Variants in DCAF6 observed in about 807,000 individuals in gnomAD.
DCAF6 encodes the protein DDB1 and CUL4 associated factor 6.
DCAF6 carries 54 observed loss-of-function variants against 125.1 expected under a neutral mutation model. The observed-to-expected ratio is 0.43, with a 90% CI of 0.35 to 0.54. The LOEUF (loss-of-function observed/expected upper bound fraction) is 0.54, where lower values mean the gene tolerates loss of function less well. Ranked by LOEUF, DCAF6 falls within the 20% of genes least tolerant of loss-of-function variation. The probability of loss-of-function intolerance (pLI) is 0.01; values close to 1 mark genes in which losing one functional copy is unlikely to be tolerated. For missense variants in DCAF6, 934 were observed against 1,161.7 expected (o/e 0.80, Z 2.85); for synonymous variants, 371 against 390.4 (o/e 0.95, Z 0.58).
intron 12 of DCAF6, among the ~76,000 whole-genome samples, chr1:168,024,448 G>A (rs555913018): frequency 1.3e-5 from 2 of 152,202 alleles, no homozygotes; most frequent in South Asian, 4.1e-4. Flanking sequence ...TATTCTTAGA[G>A]AAATATTCAG....
intron 7 of DCAF6, among the ~76,000 whole-genome samples, chr1:167,994,461 A>G (rs972341095): frequency 2.0e-5 from 3 of 152,136 alleles, no homozygotes; most frequent in Admixed American, 6.6e-5. Context: ...TTCTGTCCCA[A>G]TTGTGCCTCT....
intron 18 of DCAF6, chr1:168,063,983 A>G (rs1423727796): frequency 2.8e-6 from 1 of 356,292 alleles, no homozygotes; most frequent in African/African-American, 2.2e-5. Context: ...GATTAAAAAA[A>G]TTTTTAGTTT....
At chr1:167,981,971 C>T (rs762981218) in intron 4 of DCAF6, among the ~76,000 whole-genome samples, 11 of 152,186 alleles carry the variant, frequency 7.2e-5, no homozygotes, top group African/African-American at 1.2e-4. Flanking sequence ...AGTGGCTGAA[C>T]GAATTTACAT....
At chr1:168,048,016 AC>A (rs1215054391) in intron 16 of DCAF6, among the ~76,000 whole-genome samples, 1 of 152,132 alleles carries the variant, frequency 6.6e-6, no homozygotes, top group African/African-American at 2.4e-5. Flanking sequence ...AATTTAGCTG[AC>A]TTTTATTCTA....
At chr1:168,008,117 C>T (rs1297960200) in intron 10 of DCAF6, among the ~76,000 whole-genome samples, 1 of 151,618 alleles carries the variant, frequency 6.6e-6, no homozygotes, top group Non-Finnish European at 1.5e-5. Flanking sequence ...TTACAGGTTC[C>T]TGCCACCACA....
chr1:167,899,773 G>A, the DCAF6 span: 1 of 774,834 alleles, frequency 1.3e-6, no homozygotes, highest in East Asian at 2.7e-5. Context: ...TAGGAATTAT[G>A]GCATACCTCT....
At chr1:167,942,045 A>T (rs1010085698) in intron 1 of DCAF6, among the ~76,000 whole-genome samples, 11 of 152,070 alleles carry the variant, frequency 7.2e-5, no homozygotes, top group Admixed American at 5.9e-4. Context: ...GTAGAAATAT[A>T]TCATTGTTTT....
chr1:167,867,169 C>T, the DCAF6 span, among the ~76,000 whole-genome samples: 2 of 152,158 alleles, frequency 1.3e-5, no homozygotes, highest in African/African-American at 4.8e-5. Flanking sequence ...GTGTTGGACT[C>T]AGTTTATTCT....
At chr1:167,937,043 C>T (rs1179973810) in intron 1 of DCAF6, 35 bp downstream of exon 1, 3 of 1,565,310 alleles carry the variant, frequency 1.9e-6, no homozygotes, top group Admixed American at 1.8e-5. Flanking sequence ...GCGCTGAGGT[C>T]GCCGCCTAGA....
Position 168,054,265 on chromosome 1 carries a change from A to G in DCAF6, c.2300+3332A>G, listed in dbSNP as rs568076280. On this transcript the variant is annotated intron_variant, in intron 17 of 21. Coordinates refer to ENST00000367840, the MANE Select transcript of DCAF6 (RefSeq NM_001198956.2). The stretch of plus-strand genomic sequence containing the variant: ...GGAAATCCAAGGTTGAAGGGCCACA[A>G]TGGTACAAGCCTTCTTGCTGGCAAG... Among the ~76,000 whole-genome samples the G allele has an allele frequency of 5.1e-4, 78 of 152,314 alleles. 3 individuals are homozygous for G. The South Asian group carries it at 0.016, about 30-fold the overall frequency.
chr1:168,016,848 T>C (rs1685041212), intron 11 of DCAF6, among the ~76,000 whole-genome samples: 1 of 152,092 alleles, frequency 6.6e-6, no homozygotes, highest in Non-Finnish European at 1.5e-5. Context: ...TTGTTTGATA[T>C]GCTTTCTTCT....
chr1:167,874,283 A>G, the DCAF6 span, among the ~76,000 whole-genome samples: 1 of 152,134 alleles, frequency 6.6e-6, no homozygotes. Flanking sequence ...GTGAGCCAAG[A>G]TTGCTCCTTT....
At chr1:167,928,202 G>A in the DCAF6 span, among the ~76,000 whole-genome samples, 1 of 152,074 alleles carries the variant, frequency 6.6e-6, no homozygotes, top group East Asian at 1.9e-4. Context: ...CAAAAAATTA[G>A]CTGCGCGTGG....
chr1:168,044,763 G>A (rs764491192), intron 15 of DCAF6, 92 bp downstream of exon 15: 8 of 1,402,554 alleles, frequency 5.7e-6, no homozygotes, highest in Admixed American at 1.9e-5. Context: ...CCATGTTCAA[G>A]TGTATTGTGG....
chr1:167,878,766 C>CTA, the DCAF6 span: 8 of 931,208 alleles, frequency 8.6e-6, no homozygotes, highest in Admixed American at 1.4e-4. Flanking sequence ...ACACAGAAGC[C>CTA]TAGTCTCAAG....
In DCAF6 at chr1:168,002,469, T is replaced by C; in HGVS notation, c.904-13T>C. 2 of 1,611,322 alleles carry C rather than the reference T, an allele frequency of 1.2e-6. No homozygotes were observed. The highest frequency in any genetic ancestry group is 1.7e-6 in the Non-Finnish European group (2 of 1,177,842). On this transcript the variant is annotated splice_polypyrimidine_tract_variant and intron_variant, in intron 7 of 21. Coordinates refer to ENST00000367840, the MANE Select transcript of DCAF6 (RefSeq NM_001198956.2). ...TTAGACTTACATAGAATTTACCCGT[T>C]CTTATTTTTTAGTTGCGACAACCAC...
chr1:167,961,946 G>C (rs966736392), intron 2 of DCAF6, among the ~76,000 whole-genome samples: 1 of 152,108 alleles, frequency 6.6e-6, no homozygotes, highest in Non-Finnish European at 1.5e-5. Flanking sequence ...AATTTCTCTT[G>C]AGATTTCTTC....
At chr1:167,965,199 G>A (rs1041047838) in intron 2 of DCAF6, among the ~76,000 whole-genome samples, 2 of 152,156 alleles carry the variant, frequency 1.3e-5, no homozygotes, top group African/African-American at 4.8e-5. Flanking sequence ...TGTTCTACAG[G>A]CCTATGATTA....
At chr1:167,939,193 G>A (rs943585314) in intron 1 of DCAF6, among the ~76,000 whole-genome samples, 2 of 152,070 alleles carry the variant, frequency 1.3e-5, no homozygotes, top group African/African-American at 4.8e-5. Flanking sequence ...TCCTGGCTTT[G>A]CATTCAGGAA....
Sources: allele counts gnomAD v4.1 joint callset (sites outside exome capture counted in the v4.1 genomes callset), GRCh38; gene constraint gnomAD v4.1.1; transcripts MANE v1.5; gene names NCBI Gene and HGNC (gene_info 2026-07-23, HGNC 2026-07-21).